Variants in PIK3C3 observed in about 807,000 individuals in gnomAD.
PIK3C3 encodes PI3-kinase type 3.
PIK3C3 carries 95 observed loss-of-function variants against 126.1 expected under a neutral mutation model. That is an observed-to-expected ratio of 0.75 (90% CI 0.64 to 0.89). The LOEUF (loss-of-function observed/expected upper bound fraction) is 0.89. Ranked by LOEUF, PIK3C3 falls within the 40% of genes least tolerant of loss-of-function variation. The pLI is 0.00. For synonymous variants in PIK3C3, 374 were observed against 360.0 expected (o/e 1.04, Z -0.44); for missense variants, 829 against 1,063.2 (o/e 0.78, Z 3.06).
At chr18:41,984,409 A>C (rs550766859) in intron 4 of PIK3C3, among the ~76,000 whole-genome samples, 1 of 152,284 alleles carries the variant, frequency 6.6e-6, no homozygotes, top group Non-Finnish European at 1.5e-5. Flanking sequence ...TAATTAGAAT[A>C]GCTGTTACAA....
At chr18:42,037,416 A>G (rs1984103874) in intron 16 of PIK3C3, among the ~76,000 whole-genome samples, 1 of 152,220 alleles carries the variant, frequency 6.6e-6, no homozygotes, top group Non-Finnish European at 1.5e-5. Flanking sequence ...GGATATGCAT[A>G]AGACTGTCCA....
chr18:42,046,318 G>T (rs149459236), intron 20 of PIK3C3, among the ~76,000 whole-genome samples: 167 of 152,066 alleles, frequency 1.1e-3, no homozygotes, highest in African/African-American at 4.0e-3. Context: ...TAATGTTTTT[G>T]CAGGGTGTAA....
chr18:42,009,158 A>C (rs1040408092), intron 10 of PIK3C3, among the ~76,000 whole-genome samples: 2 of 152,296 alleles, frequency 1.3e-5, no homozygotes, highest in East Asian at 1.9e-4. Flanking sequence ...GGATGCCATG[A>C]ATCTCAACTA....
intron 2 of PIK3C3, among the ~76,000 whole-genome samples, chr18:41,961,983 ATCTG>A (rs1256002690): frequency 6.6e-6 from 1 of 152,174 alleles, no homozygotes; most frequent in Non-Finnish European, 1.5e-5. Flanking sequence ...GAAGTCACAT[ATCTG>A]TCTGGAGCAG....
intron 20 of PIK3C3, among the ~76,000 whole-genome samples, chr18:42,044,447 C>T (rs181120881): frequency 2.0e-5 from 3 of 151,076 alleles, no homozygotes; most frequent in African/African-American, 7.3e-5. Flanking sequence ...CACACTCTGT[C>T]ACCCGGGCTG....
chr18:42,061,117 T>C (rs951990214), intron 22 of PIK3C3, among the ~76,000 whole-genome samples: 4 of 152,238 alleles, frequency 2.6e-5, no homozygotes, highest in Non-Finnish European at 4.4e-5. Context: ...ATAGTTGGCA[T>C]GAACGTGGGT....
At chr18:42,035,910 T>C (rs1364752572) in intron 16 of PIK3C3, among the ~76,000 whole-genome samples, 1 of 152,168 alleles carries the variant, frequency 6.6e-6, no homozygotes, top group Non-Finnish European at 1.5e-5. Context: ...TCATGAAGAC[T>C]GGACCCCTTA....
At chr18:41,966,177 C>CT (rs10539758) in intron 3 of PIK3C3, among the ~76,000 whole-genome samples, 2,556 of 112,502 alleles carry the variant, frequency 0.023, 27 homozygotes, top group Non-Finnish European at 0.034. Context: ...TATATTGTTC[C>CT]TTTTTTTTTT....
intron 10 of PIK3C3, among the ~76,000 whole-genome samples, chr18:42,006,860 C>CTTTT (rs71265065): frequency 3.0e-4 from 31 of 102,284 alleles, no homozygotes; most frequent in Admixed American, 3.6e-4. Context: ...AAATCATATT[C>CTTTT]TTTTTTTTTT....
chr18:42,000,042 G>A (rs1023410588), intron 9 of PIK3C3, among the ~76,000 whole-genome samples: 8 of 152,114 alleles, frequency 5.3e-5, no homozygotes, highest in African/African-American at 1.4e-4. Context: ...GTGTTAACAA[G>A]TGATATTGTA....
At chr18:42,001,077 A>T (rs1290995075) in intron 9 of PIK3C3, among the ~76,000 whole-genome samples, 1 of 152,166 alleles carries the variant, frequency 6.6e-6, no homozygotes, top group African/African-American at 2.4e-5. Flanking sequence ...TATATATGAG[A>T]TATAGTATTT....
chr18:42,066,705 A>G (rs1187887110), intron 23 of PIK3C3, among the ~76,000 whole-genome samples: 1 of 152,220 alleles, frequency 6.6e-6, no homozygotes, highest in Non-Finnish European at 1.5e-5. Flanking sequence ...TTATATATAT[A>G]TAAAATATAC....
intron 6 of PIK3C3, among the ~76,000 whole-genome samples, chr18:41,992,177 C>T (rs778638227): frequency 6.6e-6 from 1 of 152,200 alleles, no homozygotes; most frequent in Admixed American, 6.6e-5. Flanking sequence ...TCTACCCACC[C>T]TGTCATATTT....
intron 3 of PIK3C3, among the ~76,000 whole-genome samples, chr18:41,964,510 A>G (rs2144299138): frequency 6.6e-6 from 1 of 152,214 alleles, no homozygotes; most frequent in South Asian, 2.1e-4. Context: ...AATGGGCCTG[A>G]TAAATATTAT....
At position 42,071,693 on chromosome 18, in the gene PIK3C3, C is replaced by T. The variant is rs376048974; in HGVS notation, c.2649+4180C>T. On this transcript the variant is annotated intron_variant, in intron 24 of 24. Coordinates refer to ENST00000262039, the MANE Select transcript of PIK3C3 (RefSeq NM_002647.4). The stretch of plus-strand genomic sequence containing the variant: ...CAAGATCACTCCACTGCCCTCCAGC[C>T]TGGGCAACAGAGTGAGATTCTGTCT... 1.0e-4 allele frequency among the ~76,000 whole-genome samples: 15 copies of T among 150,206 alleles called. No individual in the cohort carries two copies. In the East Asian group the frequency reaches 2.5e-3, roughly 25 times the overall value.
intron 24 of PIK3C3, among the ~76,000 whole-genome samples, chr18:42,068,482 A>G (rs1985633260): frequency 1.3e-5 from 2 of 152,184 alleles, no homozygotes; most frequent in Admixed American, 1.3e-4. Flanking sequence ...CTACATGGCA[A>G]AATCCAACCT....
intron 3 of PIK3C3, among the ~76,000 whole-genome samples, chr18:41,967,900 C>CAGAAGGAGATCCTGCTGTGCTGT (rs1980453060): frequency 6.6e-6 from 1 of 152,304 alleles, no homozygotes; most frequent in Non-Finnish European, 1.5e-5. Flanking sequence ...CTGCTGGAGT[C>CAGAAGGAGATCCTGCTGTGCTGT]AGAAGGAGAT....
chr18:42,011,975 G>C (rs182859254), intron 10 of PIK3C3, among the ~76,000 whole-genome samples: 1 of 152,096 alleles, frequency 6.6e-6, no homozygotes, highest in African/African-American at 2.4e-5. Flanking sequence ...TCCTATATGG[G>C]TATGCTTTGT....
rs1468668156 is a variant in PIK3C3 at position 42,054,251 on chromosome 18, G to GCAGGC, written c.2264-3631_2264-3627dup. Reference sequence around the variant, plus strand: ...CACAAGGTCCCATTATAGGCTGTCTGCAGGCTGAGGAGCAAGGAGAGCCAG... The same window carrying GCAGGC: ...CACAAGGTCCCATTATAGGCTGTCTGCAGGCCAGGCTGAGGAGCAAGGAGAGCCAG... On this transcript the variant is annotated intron_variant, in intron 21 of 24. Transcript: ENST00000262039. Among the ~76,000 whole-genome samples the GCAGGC allele has an allele frequency of 2.1e-5, 3 of 143,690 alleles. No homozygotes were observed. In the East Asian group the frequency reaches 6.5e-4, roughly 31 times the overall value. The allele number at this position is 143,690 out of a possible 152,430, so 94.3% of individuals were successfully genotyped here. A position where few individuals can be genotyped will look rare whatever the true frequency, so the allele number is the denominator to read the frequency against.
Sources: allele counts gnomAD v4.1 joint callset (sites outside exome capture counted in the v4.1 genomes callset), GRCh38; gene constraint gnomAD v4.1.1; transcripts MANE v1.5; gene names NCBI Gene and HGNC (gene_info 2026-07-23, HGNC 2026-07-21).